The following PECR variants were observed in gnomAD, a reference collection of about 807,000 sequenced individuals.
The protein encoded by PECR is peroxisomal trans-2-enoyl-CoA reductase, also known as 2,4-dienoyl-CoA reductase-related protein.
A neutral mutation model predicts 35.3 loss-of-function variants in PECR; 30 were observed. The observed-to-expected ratio is 0.85, with a 90% CI of 0.64 to 1.15. The LOEUF (loss-of-function observed/expected upper bound fraction) is 1.15. Among genes scored for constraint, PECR ranks in the 50% most tolerant of loss-of-function variants. The pLI is 0.00. For synonymous variants in PECR, 148 were observed against 138.9 expected, an observed-to-expected ratio of 1.07 and a Z score of -0.46; for missense variants, 392 against 370.8, an observed-to-expected ratio of 1.06 and a Z score of -0.47.
downstream of PECR, among the ~76,000 whole-genome samples, chr2:216,034,854 C>G (rs1224579447): frequency 1.3e-5 from 2 of 152,070 alleles, no homozygotes; most frequent in African/African-American, 2.4e-5. Context: ...AAAACTCAGC[C>G]AGTTGATAGC....
chr2:216,076,236 A>AG (rs1370115263), intron 1 of PECR, among the ~76,000 whole-genome samples: 4 of 152,184 alleles, frequency 2.6e-5, no homozygotes, highest in African/African-American at 9.6e-5. Flanking sequence ...TCTGTCACCC[A>AG]GGCCAGATTG....
At chr2:216,045,454 A>T (rs11676489) in intron 6 of PECR, among the ~76,000 whole-genome samples, 34,923 of 152,208 alleles carry the variant, frequency 0.23, 4,944 homozygotes, top group East Asian at 0.39. Flanking sequence ...GAAGAAAATC[A>T]TCTCAATTTT....
chr2:216,040,431 T>C (rs1694866747), intron 7 of PECR, among the ~76,000 whole-genome samples: 1 of 152,216 alleles, frequency 6.6e-6, no homozygotes, highest in South Asian at 2.1e-4. Flanking sequence ...TTTTTAAATG[T>C]TTTGTTGAGA....
chr2:216,051,671 C>G (rs1695117733), intron 4 of PECR, 126 bp from the exon 5 acceptor site: 1 of 722,124 alleles, frequency 1.4e-6, no homozygotes, highest in Non-Finnish European at 2.6e-6. Context: ...TGGAGTCTGT[C>G]TTGTTGAGCT....
At chr2:216,067,925 T>A (rs1695498893) in intron 1 of PECR, among the ~76,000 whole-genome samples, 1 of 151,674 alleles carries the variant, frequency 6.6e-6, no homozygotes, top group African/African-American at 2.4e-5. Context: ...AGGAGAAAAG[T>A]CAATTAATAA....
intron 1 of PECR, among the ~76,000 whole-genome samples, chr2:216,067,009 G>T (rs1216516497): frequency 6.6e-6 from 1 of 152,152 alleles, no homozygotes; most frequent in African/African-American, 2.4e-5. Context: ...ACATCTAGTA[G>T]CACTGGATGG....
chr2:216,076,438 C>G (rs1421008998), intron 1 of PECR, among the ~76,000 whole-genome samples: 1 of 152,126 alleles, frequency 6.6e-6, no homozygotes, highest in Non-Finnish European at 1.5e-5. Flanking sequence ...ATGGAAATTA[C>G]CTAAAAATTC....
intron 7 of PECR, among the ~76,000 whole-genome samples, chr2:216,029,877 T>C (rs1332613695): frequency 6.6e-6 from 1 of 152,226 alleles, no homozygotes; most frequent in African/African-American, 2.4e-5. Context: ...AAGAGAGGAA[T>C]GTGCATGCCA....
intron 6 of PECR, among the ~76,000 whole-genome samples, chr2:216,047,688 T>C (rs150753822): frequency 6.6e-6 from 1 of 152,382 alleles, no homozygotes; most frequent in East Asian, 1.9e-4. Flanking sequence ...TATAGCTTCA[T>C]GGTTTCATTA....
downstream of PECR, among the ~76,000 whole-genome samples, chr2:216,037,855 C>T (rs7585754): frequency 1.3e-5 from 2 of 151,804 alleles, no homozygotes; most frequent in South Asian, 2.1e-4. Flanking sequence ...GAGGCCAAAG[C>T]GGGCAGATCA....
chr2:216,081,579 C>T (rs1371189846), intron 1 of PECR, 39 bp downstream of exon 1: 1 of 1,613,448 alleles, frequency 6.2e-7, no homozygotes, highest in East Asian at 2.2e-5. Context: ...CCCCAGGTCA[C>T]CACAGCCACC....
downstream of PECR, among the ~76,000 whole-genome samples, chr2:216,034,725 G>C (rs141062521): frequency 4.6e-5 from 7 of 152,312 alleles, no homozygotes; most frequent in African/African-American, 1.4e-4. Flanking sequence ...CTGGGGTAGA[G>C]GATTACGGAT....
At chr2:216,047,717 T>C (rs1227847941) in intron 6 of PECR, among the ~76,000 whole-genome samples, 1 of 151,966 alleles carries the variant, frequency 6.6e-6, no homozygotes, top group African/African-American at 2.4e-5. Context: ...AGGGTAATCC[T>C]CCCATTATTC....
rs576862168 is a variant in PECR, at chr2:216,043,217, C to T, written c.826+687G>A. On this transcript the variant is annotated intron_variant, in intron 7 of 7. Transcript: ENST00000265322. ...CCGCCTCCCGGGTTCACACCATTCT[C>T]CTGCCTCAGCCTCCCAAGTAGCTGG... is the stretch of plus-strand genomic sequence containing the variant. Among the ~76,000 whole-genome samples the T allele has an allele frequency of 2.0e-5, 3 of 151,984 alleles. 1 individual carries two copies. The highest frequency in any genetic ancestry group is 7.2e-5 in the African/African-American group (3 of 41,448).
intron 6 of PECR, among the ~76,000 whole-genome samples, chr2:216,048,291 G>A (rs1695035368): frequency 6.6e-6 from 1 of 150,384 alleles, no homozygotes; most frequent in Non-Finnish European, 1.5e-5. Flanking sequence ...TAGCCAGGAT[G>A]GTCTCGATCT....
chr2:216,081,571 C>G (rs1695852656), intron 1 of PECR, 47 bp downstream of exon 1: 1 of 1,611,942 alleles, frequency 6.2e-7, no homozygotes. Context: ...CCAGGTTACC[C>G]CAGGTCACCA....
chr2:216,034,462 C>G (rs184514717), downstream of PECR, among the ~76,000 whole-genome samples: 27 of 152,278 alleles, frequency 1.8e-4, no homozygotes, highest in Admixed American at 1.2e-3. Context: ...TTGAGGACTT[C>G]CCATCTGCCT....
Position 216,079,747 on chromosome 2 carries a change from C to A in PECR, c.124+1871G>T, listed in dbSNP as rs554613999. Among the ~76,000 whole-genome samples the A allele has an allele frequency of 2.2e-3, 327 of 149,396 alleles. 1 individual carries two copies. The highest frequency in any genetic ancestry group is 2.4e-3 in the Non-Finnish European group (159 of 67,134). ...CTGTAATCCCAGTACTTTGGGAGGC[C>A]GAGGCGGGCGGATCACCTGAGGTCG... On this transcript the variant is annotated intron_variant, in intron 1 of 7. Coordinates refer to ENST00000265322, the MANE Select transcript of PECR (RefSeq NM_018441.6).
chr2:216,035,300 G>A (rs4674048), downstream of PECR, among the ~76,000 whole-genome samples: 109,996 of 151,882 alleles, frequency 0.72, 39,999 homozygotes, highest in African/African-American at 0.77. Flanking sequence ...TCCCTCAGGG[G>A]GTTTTGCATC....
Sources: allele counts gnomAD v4.1 joint callset (sites outside exome capture counted in the v4.1 genomes callset), GRCh38; gene constraint gnomAD v4.1.1; transcripts MANE v1.5; gene names NCBI Gene and HGNC (gene_info 2026-07-23, HGNC 2026-07-21).